Variants in PTCHD4 observed in about 807,000 individuals in gnomAD.
The protein encoded by PTCHD4 is patched domain-containing protein 4.
PTCHD4 carries 33 observed loss-of-function variants against 58.1 expected under a neutral mutation model. The observed-to-expected ratio is 0.57, with a 90% CI of 0.43 to 0.76. The LOEUF is 0.76. Ranked by LOEUF, PTCHD4 falls within the 30% of genes least tolerant of loss-of-function variation. The pLI, the probability that PTCHD4 is intolerant of heterozygous loss-of-function variation, is 0.00. For missense variants in PTCHD4, 1,058 were observed against 1,027.1 expected (o/e 1.03, Z -0.41); for synonymous variants, 478 against 409.6 (o/e 1.17, Z -2.02).
intron 4 of PTCHD4, among the ~76,000 whole-genome samples, chr6:47,916,031 T>G (rs1198669735): frequency 6.6e-6 from 1 of 152,146 alleles, no homozygotes; most frequent in East Asian, 1.9e-4. Context: ...GAGTGTGATG[T>G]GTGTTCATGC....
At chr6:47,998,125 T>C (rs747047168) in intron 4 of PTCHD4, among the ~76,000 whole-genome samples, 8 of 150,814 alleles carry the variant, frequency 5.3e-5, no homozygotes, top group Admixed American at 2.6e-4. Flanking sequence ...ACCAGGAATG[T>C]TTTTTTTTCT....
rs778874757 is a variant in PTCHD4 at position 47,878,810 on chromosome 6, T to C, written c.2025A>G (p.Leu675=). The C allele has an allele frequency of 2.7e-5, 44 of 1,613,422 alleles. 1 individual carries two copies. The South Asian group carries it at 4.4e-4, about 16-fold the overall frequency. The part of the protein sequence containing the change: ...VLLVLILTFF[L]VIHPLGNFWL... The stretch of plus-strand genomic sequence containing the variant: ...AGAAGTTTCCCAGAGGGTGGATCAC[T>C]AGGAAAAAAGTCAGGATTAACACCA... Residue 675 remains leucine, a synonymous_variant, in exon 5 of 5, where the codon CTA becomes CTG. Coordinates refer to ENST00000339488, the MANE Select transcript of PTCHD4 (RefSeq NM_001384253.1).
intron 4 of PTCHD4, among the ~76,000 whole-genome samples, chr6:47,945,255 T>C (rs1766372555): frequency 6.6e-6 from 1 of 152,068 alleles, no homozygotes; most frequent in Admixed American, 6.6e-5. Context: ...TCTCTGAAAA[T>C]CCATCTCTTC....
chr6:48,039,630 G>A (rs1479531619), intron 3 of PTCHD4, among the ~76,000 whole-genome samples: 1 of 152,074 alleles, frequency 6.6e-6, no homozygotes, highest in East Asian at 1.9e-4. Context: ...TAAAATGCTA[G>A]AGGAAATTTC....
chr6:48,090,202 A>T (rs548100973), intron 1 of PTCHD4, among the ~76,000 whole-genome samples: 1 of 152,324 alleles, frequency 6.6e-6, no homozygotes, highest in African/African-American at 2.4e-5. Context: ...TATGAAAAAT[A>T]TTAAGTAAAT....
intron 4 of PTCHD4, among the ~76,000 whole-genome samples, chr6:47,975,589 C>T (rs1767665216): frequency 6.6e-6 from 1 of 152,116 alleles, no homozygotes; most frequent in Non-Finnish European, 1.5e-5. Flanking sequence ...ATTTTGAGAG[C>T]CACTTCTTCA....
Position 48,104,353 on chromosome 6 carries a change from G to A in PTCHD4, c.-970+6696C>T, listed in dbSNP as rs542663405. 2.6e-3 allele frequency among the ~76,000 whole-genome samples: 394 copies of A among 152,286 alleles called. 1 individual carries two copies. Among genetic ancestry groups the A allele is most frequent in the Non-Finnish European group, 4.4e-3 (296 of 68,034 alleles). ...AGAATTTCATTTCCAGCCAAACTAA[G>A]CTTCATAAGTGAAGGAGAAATAAAA... On this transcript the variant is annotated intron_variant, in intron 1 of 4. Transcript: ENST00000339488.
intron 4 of PTCHD4, among the ~76,000 whole-genome samples, chr6:47,947,383 C>G (rs1481576463): frequency 6.6e-6 from 1 of 151,890 alleles, no homozygotes; most frequent in African/African-American, 2.4e-5. Flanking sequence ...AGTTTATATT[C>G]TCTTTTATTC....
chr6:48,035,600 C>T (rs912849729), intron 3 of PTCHD4, among the ~76,000 whole-genome samples: 1 of 152,106 alleles, frequency 6.6e-6, no homozygotes, highest in African/African-American at 2.4e-5. Context: ...TTAACCAAGC[C>T]TTGGCTTTTG....
intron 4 of PTCHD4, among the ~76,000 whole-genome samples, chr6:47,987,356 A>G (rs1437256202): frequency 6.6e-6 from 1 of 151,584 alleles, no homozygotes; most frequent in Non-Finnish European, 1.5e-5. Context: ...ATGTATACAT[A>G]TGTAACAAAC....
rs182025431 is a variant in PTCHD4 at position 47,896,785 on chromosome 6, T to C, written c.899-16849A>G. ...ATTAACTCTCTGTGAGGCAGGCATA[T>C]TACACTCTCCTCTCATTTAATGGTT... On this transcript the variant is annotated intron_variant, in intron 4 of 4. Transcript: ENST00000339488. 3.4e-3 allele frequency among the ~76,000 whole-genome samples: 515 copies of C among 152,278 alleles called. 3 individuals are homozygous for C. Among genetic ancestry groups the C allele is most frequent in the African/African-American group, 0.012 (478 of 41,564 alleles).
chr6:47,864,417 ACTCT>A lies in PTCHD4; in HGVS notation c.*13882_*13885del, dbSNP rs1379820914. Among the ~76,000 whole-genome samples the A allele has an allele frequency of 6.6e-6, 1 of 151,648 alleles. No individual in the cohort carries two copies. Among genetic ancestry groups the A allele is most frequent in the African/African-American group, 2.4e-5 (1 of 41,300 alleles). On this transcript the variant is annotated 3_prime_UTR_variant, in exon 5 of 5. Coordinates refer to ENST00000339488, the MANE Select transcript of PTCHD4 (RefSeq NM_001384253.1). ...CTGCCTCTCATTTCTCTTTGCATTTACTCTCTATGTGTCTGGCACATAGAAGATG... is the reference window on the plus strand; with the variant it reads ...CTGCCTCTCATTTCTCTTTGCATTTACTATGTGTCTGGCACATAGAAGATG...
intron 1 of PTCHD4, among the ~76,000 whole-genome samples, chr6:48,075,523 A>T (rs1765048195): frequency 6.6e-6 from 1 of 151,912 alleles, no homozygotes; most frequent in Non-Finnish European, 1.5e-5. Context: ...TTCCATGTCA[A>T]TAAACCTTAG....
intron 1 of PTCHD4, among the ~76,000 whole-genome samples, chr6:48,095,071 A>C (rs1765436413): frequency 6.6e-6 from 1 of 152,152 alleles, no homozygotes; most frequent in Non-Finnish European, 1.5e-5. Context: ...ATTTTCGGGG[A>C]TTGTGGACAT....
At chr6:47,928,503 T>G (rs1218784671) in intron 4 of PTCHD4, among the ~76,000 whole-genome samples, 1 of 152,224 alleles carries the variant, frequency 6.6e-6, no homozygotes, top group Non-Finnish European at 1.5e-5. Flanking sequence ...CTTCAGTGAT[T>G]TTTATTAAAC....
chr6:48,078,278 A>T (rs2150585), intron 1 of PTCHD4, among the ~76,000 whole-genome samples: 21,766 of 152,124 alleles, frequency 0.14, 1,518 homozygotes, highest in Admixed American at 0.18. Flanking sequence ...GTATTTGCAC[A>T]ATACCAAACA....
chr6:47,901,428 C>G (rs2114147392), intron 4 of PTCHD4: 1 of 978,598 alleles, frequency 1.0e-6, no homozygotes, highest in Middle Eastern at 5.3e-4. Context: ...GTTCCTCCCT[C>G]TCACATATTG....
intron 1 of PTCHD4, among the ~76,000 whole-genome samples, chr6:48,098,408 C>T (rs530560235): frequency 7.0e-4 from 105 of 150,042 alleles, no homozygotes; most frequent in Admixed American, 1.9e-3. Flanking sequence ...GCAGGATCTC[C>T]GCTCGCTGCA....
intron 4 of PTCHD4, among the ~76,000 whole-genome samples, chr6:47,907,569 T>C (rs976519620): frequency 6.6e-6 from 1 of 152,204 alleles, no homozygotes; most frequent in African/African-American, 2.4e-5. Flanking sequence ...GGCTTGGGGC[T>C]GGAGAAGCCC....
Sources: allele counts gnomAD v4.1 joint callset (sites outside exome capture counted in the v4.1 genomes callset), GRCh38; gene constraint gnomAD v4.1.1; transcripts MANE v1.5; gene names NCBI Gene and HGNC (gene_info 2026-07-23, HGNC 2026-07-21).